Variants in DNASE1L1 observed in about 807,000 individuals in gnomAD.
The protein encoded by DNASE1L1 is deoxyribonuclease-1-like 1.
DNASE1L1 carries 8 observed loss-of-function variants against 18.6 expected under a neutral mutation model. The observed-to-expected ratio is 0.43, with a 90% CI of 0.25 to 0.78. The LOEUF (loss-of-function observed/expected upper bound fraction) is 0.78. DNASE1L1 is among the 30% of genes least tolerant of loss of function. DNASE1L1 has a pLI of 0.23. For synonymous variants in DNASE1L1, 114 were observed against 114.2 expected, an observed-to-expected ratio of 1.00 and a Z score of 0.01; for missense variants, 214 against 258.2, an observed-to-expected ratio of 0.83 and a Z score of 1.17.
At chrX:154,410,264 T>G (rs1557189671), upstream of DNASE1L1, among the ~76,000 whole-genome samples, 1 of 107,579 alleles carries the variant, frequency 9.3e-6, no homozygotes, top group African/African-American at 3.4e-5. Flanking sequence ...AATCAATAAA[T>G]TATGGTTTAA....
chrX:154,402,407 A>C lies in DNASE1L1; in HGVS notation c.*300T>G. The C allele has an allele frequency of 3.6e-6, 1 of 275,152 alleles. No homozygotes were observed. Among genetic ancestry groups the C allele is most frequent in the Non-Finnish European group, 6.3e-6 (1 of 159,165 alleles). 22.7% of individuals were successfully genotyped at this position (275,152 alleles called of 1,213,427 possible). A position where few individuals can be genotyped will look rare whatever the true frequency, so the allele number is the denominator to read the frequency against. On this transcript the variant is annotated 3_prime_UTR_variant, in exon 8 of 8. Transcript: ENST00000369807. Reference sequence around the variant, plus strand: ...GTAACTTTCCTTCTTGTCATACAACATCTTCATTCCTCTTTCTGAACCCTC... The same window carrying C: ...GTAACTTTCCTTCTTGTCATACAACCTCTTCATTCCTCTTTCTGAACCCTC...
chrX:154,403,498 C>T lies in DNASE1L1; in HGVS notation c.412+24G>A, dbSNP rs782334824. On this transcript the variant is annotated intron_variant, in intron 5 of 7. Coordinates refer to ENST00000369807, the MANE Select transcript of DNASE1L1 (RefSeq NM_001303620.2). Reference sequence around the variant, plus strand: ...AGAACTCCCCTTCTGCTCCCACATACCAAGCCCACCCTTCCCTTCCTACCA... The same window carrying T: ...AGAACTCCCCTTCTGCTCCCACATATCAAGCCCACCCTTCCCTTCCTACCA... 8 of 1,204,053 alleles carry T rather than the reference C, an allele frequency of 6.6e-6. No homozygotes were observed. The Admixed American group carries it at 1.5e-4, about 23-fold the overall frequency.
chrX:154,405,630 T>C lies in DNASE1L1; in HGVS notation c.-62A>G. The C allele has an allele frequency of 3.8e-6, 4 of 1,041,262 alleles. No individual in the cohort carries two copies. Among genetic ancestry groups the C allele is most frequent in the African/African-American group, 1.9e-5 (1 of 52,940 alleles). 85.8% of individuals were successfully genotyped at this position (1,041,262 alleles called of 1,213,427 possible). A position where few individuals can be genotyped will look rare whatever the true frequency, so the allele number is the denominator to read the frequency against. ...AGGCTGCCCCAGGGTGCGCTCTCAC[T>C]GGGCTCAGTTCTGGCTCTGGAAGCG... On this transcript the variant is annotated 5_prime_UTR_variant, in exon 2 of 8. Transcript: ENST00000369807.
chrX:154,402,400 A>G lies in DNASE1L1; in HGVS notation c.*307T>C, dbSNP rs1334008758. 2 of 261,805 alleles carry G rather than the reference A, an allele frequency of 7.6e-6. No individual in the cohort carries two copies. Among genetic ancestry groups the G allele is most frequent in the Admixed American group, 1.3e-4 (2 of 15,923 alleles). 21.6% of individuals were successfully genotyped at this position (261,805 alleles called of 1,213,427 possible). On this transcript the variant is annotated 3_prime_UTR_variant, in exon 8 of 8. Transcript: ENST00000369807. Reference sequence around the variant, plus strand: ...GTTCTCAGTAACTTTCCTTCTTGTCATACAACATCTTCATTCCTCTTTCTG... The same window carrying G: ...GTTCTCAGTAACTTTCCTTCTTGTCGTACAACATCTTCATTCCTCTTTCTG...
chrX:154,407,765 C>CG (rs1173569962), intron 1 of DNASE1L1, among the ~76,000 whole-genome samples: 13 of 86,447 alleles, frequency 1.5e-4, no homozygotes, highest in African/African-American at 5.2e-4. Flanking sequence ...CCGGCCCCCC[C>CG]CCTTTTTTTT....
chrX:154,407,818 G>A, intron 1 of DNASE1L1, among the ~76,000 whole-genome samples: 1 of 94,735 alleles, frequency 1.1e-5, no homozygotes, highest in Non-Finnish European at 2.1e-5. Context: ...CAGGCTGGAG[G>A]GCAGTAATGT....
At chrX:154,405,715 C>G (rs1333347834) in intron 1 of DNASE1L1, 60 bp from the exon 2 acceptor site, 2 of 519,600 alleles carry the variant, frequency 3.8e-6, no homozygotes, top group Non-Finnish European at 5.7e-6. Context: ...CTCCCAGTGA[C>G]CTCCCGAGAT....
chrX:154,404,623 G>T (rs1283478759), intron 4 of DNASE1L1, among the ~76,000 whole-genome samples: 1 of 112,720 alleles, frequency 8.9e-6, no homozygotes, highest in Non-Finnish European at 1.9e-5. Flanking sequence ...GCTTATAGAA[G>T]GAAGGCCTCC....
upstream of DNASE1L1, chrX:154,411,647 G>C: frequency 2.1e-6 from 1 of 483,775 alleles, no homozygotes; most frequent in Non-Finnish European, 3.7e-6. Context: ...CCCCAGTGAC[G>C]AGAGAGCGGG....
chrX:154,407,686 T>C (rs2068185124), intron 1 of DNASE1L1, among the ~76,000 whole-genome samples: 1 of 93,483 alleles, frequency 1.1e-5, no homozygotes, highest in Non-Finnish European at 2.1e-5. Flanking sequence ...ACCTCTGCCT[T>C]CCGGGTTCAA....
At position 154,405,091 on chromosome X, in the gene DNASE1L1, A is replaced by T; in HGVS notation, c.136-8T>A. ...GTCACAGCGAGCCAGTATCTGTGGG[A>T]CATCAGGAAGGCCAGCCTGACTCAG... On this transcript the variant is annotated splice_region_variant and splice_polypyrimidine_tract_variant and intron_variant, in intron 2 of 7. Transcript: ENST00000369807. 1 of 1,208,113 alleles carries T rather than the reference A, an allele frequency of 8.3e-7. No homozygotes were observed. The highest frequency in any genetic ancestry group is 1.7e-5 in the African/African-American group (1 of 57,854).
chrX:154,403,370 G>A lies in DNASE1L1; in HGVS notation c.424C>T (p.Leu142=), dbSNP rs375038864. The part of the protein sequence containing the change: ...FSLPSNVLPS[L]VLVPLHTTPK... ...GTGGTGTGCAGCGGGACCAACACCA[G>A]GCTGGGAAGGACTGCAAGGCCCAGG... Residue 142 remains leucine, a synonymous_variant, in exon 6 of 8, where the codon CTG becomes TTG. Coordinates refer to ENST00000369807, the MANE Select transcript of DNASE1L1 (RefSeq NM_001303620.2). 6.9e-5 allele frequency: 83 copies of A among 1,209,258 alleles called. No homozygotes were observed. Among genetic ancestry groups the A allele is most frequent in the Non-Finnish European group, 8.3e-5 (74 of 894,716 alleles).
chrX:154,406,294 C>A (rs1464610602), intron 1 of DNASE1L1, among the ~76,000 whole-genome samples: 2 of 108,217 alleles, frequency 1.8e-5, no homozygotes, highest in African/African-American at 6.8e-5. Flanking sequence ...CTTTTCATGG[C>A]TGAATCATAT....
intron 1 of DNASE1L1, among the ~76,000 whole-genome samples, chrX:154,406,172 A>G (rs1557188425): frequency 7.4e-5 from 8 of 108,558 alleles, no homozygotes; most frequent in Admixed American, 9.9e-5. Context: ...GGGTTTCACC[A>G]TGTTAGCCAG....
In DNASE1L1 at chrX:154,401,316, G is replaced by C. The variant is rs782147064; in HGVS notation, c.*1391C>G. On this transcript the variant is annotated 3_prime_UTR_variant, in exon 8 of 8. Transcript: ENST00000369807. ...CATTGGGCTTGTTCTCACCCATCTG[G>C]TTTGGCCATTCCTCCTTGGTGGGAA... The C allele has an allele frequency of 2.6e-5, 5 of 191,713 alleles. No homozygotes were observed. In the Admixed American group the frequency reaches 2.8e-4, roughly 11 times the overall value. The allele number at this position is 191,713 out of a possible 1,213,427, so 15.8% of individuals were successfully genotyped here.
At chrX:154,405,125 G>A in intron 2 of DNASE1L1, 42 bp from the exon 3 acceptor site, 1 of 1,158,100 alleles carries the variant, frequency 8.6e-7, no homozygotes, top group African/African-American at 1.8e-5. Flanking sequence ...AGTGCCAACT[G>A]CCCTGAGAGG....
intron 4 of DNASE1L1, 31 bp downstream of exon 4, chrX:154,404,797 C>T (rs782404891): frequency 5.0e-6 from 6 of 1,192,103 alleles, no homozygotes; most frequent in African/African-American, 1.8e-5. Context: ...GACCGCCCCC[C>T]ACCCTGCTGC....
upstream of DNASE1L1, among the ~76,000 whole-genome samples, chrX:154,410,803 C>T (rs1449948569): frequency 9.2e-6 from 1 of 108,933 alleles, no homozygotes; most frequent in African/African-American, 3.3e-5. Context: ...AGCTTGAACC[C>T]GGGAGGCGGA....
rs2068027020 is a variant in DNASE1L1 at position 154,401,311 on chromosome X, A to G, written c.*1396T>C. The G allele has an allele frequency of 5.1e-6, 1 of 196,951 alleles. No individual in the cohort carries two copies. Among genetic ancestry groups the G allele is most frequent in the Non-Finnish European group, 9.4e-6 (1 of 106,113 alleles). 16.2% of individuals were successfully genotyped at this position (196,951 alleles called of 1,213,427 possible). On this transcript the variant is annotated 3_prime_UTR_variant, in exon 8 of 8. Transcript: ENST00000369807. ...CATCACATTGGGCTTGTTCTCACCC[A>G]TCTGGTTTGGCCATTCCTCCTTGGT...
Sources: allele counts gnomAD v4.1 joint callset (sites outside exome capture counted in the v4.1 genomes callset), GRCh38; gene constraint gnomAD v4.1.1; transcripts MANE v1.5; gene names NCBI Gene and HGNC (gene_info 2026-07-23, HGNC 2026-07-21).